Variants in RALGAPA1 observed in about 807,000 individuals in gnomAD.
RALGAPA1 encodes the protein ral GTPase-activating protein subunit alpha-1.
In RALGAPA1, 52 loss-of-function variants were observed where a neutral mutation model predicts 269.6. The ratio of observed to expected loss-of-function variants is 0.19; its 90% CI spans 0.15 to 0.24. The LOEUF is 0.24. RALGAPA1 is among the 10% of genes least tolerant of loss of function. The pLI is 1.00. For synonymous variants in RALGAPA1, 817 were observed against 1,008.3 expected (o/e 0.81, Z 3.60); for missense variants, 1,917 against 3,013.9 (o/e 0.64, Z 8.52).
chr14:35,807,754 C>T (rs75296237), intron 1 of RALGAPA1: 96 of 152,320 alleles, frequency 6.3e-4, no homozygotes, highest in Middle Eastern at 3.4e-3. Flanking sequence ...ACATGTACCT[C>T]AAATAAGGGA....
chr14:35,741,628 A>G (rs943277582), intron 11 of RALGAPA1, among the ~76,000 whole-genome samples: 1 of 152,234 alleles, frequency 6.6e-6, no homozygotes, highest in African/African-American at 2.4e-5. Flanking sequence ...TTAGCAAGAT[A>G]TGTATCAATC....
At chr14:35,601,229 C>T (rs2059275216) in intron 36 of RALGAPA1, among the ~76,000 whole-genome samples, 1 of 152,120 alleles carries the variant, frequency 6.6e-6, no homozygotes, top group Non-Finnish European at 1.5e-5. Flanking sequence ...ACAGCAGGTG[C>T]CTCAGTAATA....
chr14:35,553,307 C>T (rs1033679312), intron 39 of RALGAPA1, among the ~76,000 whole-genome samples: 1 of 151,994 alleles, frequency 6.6e-6, no homozygotes, highest in Non-Finnish European at 1.5e-5. Flanking sequence ...TTCTTGTTTG[C>T]GGCACGTACA....
At chr14:35,585,738 G>A (rs1350263383) in intron 37 of RALGAPA1, among the ~76,000 whole-genome samples, 1 of 152,058 alleles carries the variant, frequency 6.6e-6, no homozygotes, top group African/African-American at 2.4e-5. Context: ...TTTTTGTCAG[G>A]TGTGTCAAAG....
intron 31 of RALGAPA1, among the ~76,000 whole-genome samples, chr14:35,638,328 T>G (rs968237967): frequency 1.3e-5 from 2 of 152,154 alleles, no homozygotes; most frequent in African/African-American, 4.8e-5. Flanking sequence ...GCAGGGGGAT[T>G]AAGTTAATAT....
At chr14:35,781,248 A>G (rs1180837573) in intron 1 of RALGAPA1, among the ~76,000 whole-genome samples, 1 of 152,210 alleles carries the variant, frequency 6.6e-6, no homozygotes, top group Non-Finnish European at 1.5e-5. Context: ...AGCAAATTAC[A>G]CAGCCTATAT....
intron 36 of RALGAPA1, 36 bp downstream of exon 36, chr14:35,605,550 C>T (rs1400440217): frequency 9.8e-6 from 15 of 1,536,966 alleles, no homozygotes; most frequent in Non-Finnish European, 1.3e-5. Context: ...CTTATGCTTC[C>T]AAATATAAAT....
At position 35,721,764 on chromosome 14, in the gene RALGAPA1, C is replaced by A; in HGVS notation, c.2190G>T (p.Met730Ile). 2 of 1,613,100 alleles carry A rather than the reference C, an allele frequency of 1.2e-6. No homozygotes were observed. Among genetic ancestry groups the A allele is most frequent in the Non-Finnish European group, 1.7e-6 (2 of 1,179,132 alleles). Residue 730 changes from methionine to isoleucine, a missense_variant, in exon 16 of 42, where the codon ATG becomes ATT. Around this residue, in one of 11 missense-constraint regions of RALGAPA1, gnomAD observed 125 missense variants for 155.7 expected, o/e 0.80. Transcript: ENST00000680220. ...WSRDQPGQAP[M>I]RQRSATTTGS... ...CAGTGGTTGTTGCACTCCTCTGTCT[C>A]ATTGGGGCTTGGCCAGGCTGATCAC...
intron 7 of RALGAPA1, among the ~76,000 whole-genome samples, chr14:35,753,927 CAT>C (rs1025760046): frequency 7.2e-5 from 11 of 152,104 alleles, no homozygotes; most frequent in South Asian, 6.2e-4. Context: ...GATCCTAAAA[CAT>C]GTGAAATTTC....
In RALGAPA1 at chr14:35,689,470, C is replaced by G. The variant is rs1354706292; in HGVS notation, c.2941G>C (p.Asp981His). 1 of 1,234,184 alleles carries G rather than the reference C, an allele frequency of 8.1e-7. No homozygotes were observed. Among genetic ancestry groups the G allele is most frequent in the Non-Finnish European group, 1.0e-6 (1 of 989,578 alleles). The allele number at this position is 1,234,184 out of a possible 1,614,324, so 76.5% of individuals were successfully genotyped here. The change falls in exon 18 of 42, where the codon GAT becomes CAT. Residue 981 changes from aspartate to histidine, a missense_variant. Transcript: ENST00000680220. ...TCCTGATCTGTGCATTCTAATTTAT[C>G]TAAGGATAATCTTTCACCCCTATTT... ...AVNRGERLSL[D>H]KLECTDQETE...
At chr14:35,625,130 GACAGTGGGAGACTCTGTCTCA>G (rs1263860704) in intron 35 of RALGAPA1, among the ~76,000 whole-genome samples, 15 of 122,654 alleles carry the variant, frequency 1.2e-4, no homozygotes, top group African/African-American at 2.7e-4. Context: ...AAGCCTGGGT[GACAGTGGGAGACTCTGTCTCA>G]AAAAAAAAAA....
At chr14:35,610,429 C>T (rs557604683) in intron 35 of RALGAPA1, among the ~76,000 whole-genome samples, 3 of 152,048 alleles carry the variant, frequency 2.0e-5, no homozygotes, top group South Asian at 4.2e-4. Flanking sequence ...ACTACAGGTG[C>T]CCACCACCAC....
At chr14:35,737,030 C>T (rs1595373225) in intron 12 of RALGAPA1, among the ~76,000 whole-genome samples, 1 of 132,384 alleles carries the variant, frequency 7.6e-6, no homozygotes, top group Non-Finnish European at 1.6e-5. Context: ...ACCGAGGCTC[C>T]ATCTCAAAAA....
intron 39 of RALGAPA1, among the ~76,000 whole-genome samples, chr14:35,564,760 C>T (rs1478953777): frequency 6.6e-6 from 1 of 152,068 alleles, no homozygotes; most frequent in Non-Finnish European, 1.5e-5. Context: ...CTATAATATA[C>T]ATATATGCAT....
chr14:35,742,667 T>C (rs186919273), intron 10 of RALGAPA1, 102 bp from the exon 11 acceptor site: 2 of 820,618 alleles, frequency 2.4e-6, no homozygotes, highest in Non-Finnish European at 4.0e-6. Context: ...TCTTGGAAAC[T>C]GCAACTTTAA....
chr14:35,622,375 G>A lies in RALGAPA1; in HGVS notation c.6929+2986C>T, dbSNP rs1239519534. The stretch of plus-strand genomic sequence containing the variant: ...ATTGGGGCCTGTTGGGGGATTGGGG[G>A]CTGGGGTAGGGATAGAATTAGGAGA... On this transcript the variant is annotated intron_variant, in intron 35 of 41. Coordinates refer to ENST00000680220, the MANE Select transcript of RALGAPA1 (RefSeq NM_001346249.2). Among the ~76,000 whole-genome samples, 6 of 152,060 alleles carry A rather than the reference G, an allele frequency of 3.9e-5. No homozygotes were observed. In the East Asian group the frequency reaches 1.2e-3, roughly 29 times the overall value.
In RALGAPA1 at chr14:35,808,856, T is replaced by C. The variant is rs1321079406; in HGVS notation, c.-21A>G. 11 of 1,600,692 alleles carry C rather than the reference T, an allele frequency of 6.9e-6. No homozygotes were observed. The highest frequency in any genetic ancestry group is 9.4e-6 in the Non-Finnish European group (11 of 1,174,626). On this transcript the variant is annotated 5_prime_UTR_variant, in exon 1 of 42. Transcript: ENST00000680220. ...AACATCCTGTCGCTGCCACTGCCAC[T>C]GCCACTGCCACAGCCGGCTCCCAGC...
chr14:35,807,006 A>T (rs1273297198), intron 1 of RALGAPA1, among the ~76,000 whole-genome samples: 1 of 152,214 alleles, frequency 6.6e-6, no homozygotes, highest in Non-Finnish European at 1.5e-5. Context: ...CTCTCTCTTA[A>T]TTTACCTTTT....
At chr14:35,685,322 T>C (rs995784954) in intron 19 of RALGAPA1, among the ~76,000 whole-genome samples, 177 bp from the exon 20 acceptor site, 1 of 152,116 alleles carries the variant, frequency 6.6e-6, no homozygotes, top group Admixed American at 6.6e-5. Flanking sequence ...GCCTGACCTA[T>C]TGTTGGTCTG....
Sources: allele counts gnomAD v4.1 joint callset (sites outside exome capture counted in the v4.1 genomes callset), GRCh38; gene constraint gnomAD v4.1.1; regional missense constraint gnomAD v4.1.1; transcripts MANE v1.5; gene names NCBI Gene and HGNC (gene_info 2026-07-23, HGNC 2026-07-21).